The following GAS7 variants were observed in gnomAD, a reference collection of about 807,000 sequenced individuals.
GAS7 encodes the protein growth arrest specific 7, also known as growth arrest-specific protein 7.
In GAS7, 28 loss-of-function variants were observed where a neutral mutation model predicts 71.1. The ratio of observed to expected loss-of-function variants is 0.39; its 90% CI spans 0.29 to 0.54. GAS7 has a LOEUF of 0.54. Among genes scored for constraint, GAS7 ranks in the 20% least tolerant of loss-of-function variants. The probability of loss-of-function intolerance (pLI) is 0.62; values close to 1 mark genes in which losing one functional copy is unlikely to be tolerated. For missense variants in GAS7, 436 were observed against 627.8 expected, an observed-to-expected ratio of 0.69 and a Z score of 3.27; for synonymous variants, 258 against 245.8, an observed-to-expected ratio of 1.05 and a Z score of -0.46.
At position 10,053,952 on chromosome 17, in the gene GAS7, T is replaced by TGGATC. The variant is rs2073099379; in HGVS notation, c.184-34060_184-34056dup. The stretch of plus-strand genomic sequence containing the variant: ...CTGCCGGGCCCACCCTCCAAGCTTC[T>TGGATC]GGATCCGTAGGTTTGGGTACCATCC... On this transcript the variant is annotated intron_variant, in intron 1 of 13. Transcript: ENST00000432992. 2.6e-5 allele frequency among the ~76,000 whole-genome samples: 4 copies of TGGATC among 152,178 alleles called. No individual in the cohort carries two copies. The South Asian group carries it at 8.3e-4, about 32-fold the overall frequency.
intron 1 of GAS7, among the ~76,000 whole-genome samples, chr17:10,069,162 G>A (rs1037314334): frequency 1.3e-5 from 2 of 152,172 alleles, no homozygotes; most frequent in Admixed American, 1.3e-4. Context: ...CAAGTTCCCA[G>A]ACACCAGCCA....
At chr17:10,036,550 C>T in intron 1 of GAS7, 2 of 1,577,162 alleles carry the variant, frequency 1.3e-6, no homozygotes, top group Non-Finnish European at 1.7e-6. Flanking sequence ...TCATGGCAGC[C>T]TCTCCGGGAA....
At chr17:10,084,547 A>G (rs1158157092) in intron 1 of GAS7, among the ~76,000 whole-genome samples, 1 of 151,968 alleles carries the variant, frequency 6.6e-6, no homozygotes, top group Admixed American at 6.6e-5. Flanking sequence ...GCTCACTGCA[A>G]CCTCTGCTTC....
At chr17:9,979,348 C>A (rs1343911518) in intron 3 of GAS7, among the ~76,000 whole-genome samples, 1 of 152,148 alleles carries the variant, frequency 6.6e-6, no homozygotes, top group South Asian at 2.1e-4. Flanking sequence ...CTTGGCCATG[C>A]GGGCAATTCT....
intron 1 of GAS7, among the ~76,000 whole-genome samples, chr17:10,163,083 C>T (rs1189427108): frequency 6.6e-6 from 1 of 152,118 alleles, no homozygotes; most frequent in Non-Finnish European, 1.5e-5. Context: ...CACGATGGCT[C>T]AGAAACCCTG....
At chr17:10,118,072 T>G (rs2073875630) in intron 1 of GAS7, among the ~76,000 whole-genome samples, 1 of 152,104 alleles carries the variant, frequency 6.6e-6, no homozygotes, top group African/African-American at 2.4e-5. Flanking sequence ...GTCTGCACTT[T>G]TCCCCGAGGG....
chr17:10,181,559 C>G (rs1026504417), intron 1 of GAS7, among the ~76,000 whole-genome samples: 1 of 152,056 alleles, frequency 6.6e-6, no homozygotes, highest in African/African-American at 2.4e-5. Flanking sequence ...CTGATAACAT[C>G]ATGCACGTGA....
chr17:10,089,931 G>A (rs55697726), intron 1 of GAS7, among the ~76,000 whole-genome samples: 1 of 152,286 alleles, frequency 6.6e-6, no homozygotes, highest in Non-Finnish European at 1.5e-5. Context: ...ACTTTGGGAG[G>A]CCAAGGCAGG....
chr17:9,931,330 C>T (rs754937600), intron 9 of GAS7, among the ~76,000 whole-genome samples: 2 of 152,196 alleles, frequency 1.3e-5, no homozygotes, highest in African/African-American at 4.8e-5. Context: ...ACTACCACGT[C>T]GGAGAGAGTT....
At chr17:10,032,623 A>T (rs1359608808) in intron 1 of GAS7, among the ~76,000 whole-genome samples, 1 of 152,204 alleles carries the variant, frequency 6.6e-6, no homozygotes, top group Non-Finnish European at 1.5e-5. Flanking sequence ...TAAAACCACA[A>T]GGAAAATATC....
chr17:9,919,829 G>A lies in GAS7; in HGVS notation c.1139-124C>T, dbSNP rs557676602. 22 of 771,450 alleles carry A rather than the reference G, an allele frequency of 2.9e-5. No individual in the cohort carries two copies. The East Asian group carries it at 5.1e-4, about 18-fold the overall frequency. The allele number at this position is 771,450 out of a possible 1,614,324, so 47.8% of individuals were successfully genotyped here. On this transcript the variant is annotated intron_variant, in intron 11 of 13. Transcript: ENST00000432992. This position sits in a 1 kb window ranked among gnomAD's most constrained non-coding sequence, Gnocchi z 5.0. ...GGGTCATGGTGGCCGCTGGAAAGCT[G>A]GAAAAGGGATGGCAGTAGGAAGAAG...
At chr17:10,174,431 A>G (rs55658965) in intron 1 of GAS7, among the ~76,000 whole-genome samples, 30,355 of 151,944 alleles carry the variant, frequency 0.2, 3,056 homozygotes, top group Middle Eastern at 0.26. Context: ...GGTGGCTCAC[A>G]TCTATAATCC....
chr17:10,117,629 A>G (rs909915852), intron 1 of GAS7, among the ~76,000 whole-genome samples: 43 of 152,244 alleles, frequency 2.8e-4, no homozygotes, highest in African/African-American at 1.0e-3. Flanking sequence ...CAGCCACTGT[A>G]GGGCTTCCGC....
chr17:9,971,736 A>G (rs2069971906), intron 3 of GAS7, among the ~76,000 whole-genome samples: 1 of 134,484 alleles, frequency 7.4e-6, no homozygotes, highest in South Asian at 2.4e-4. Context: ...TGCAGGTCAG[A>G]CTGGAGGAAG....
At chr17:10,083,248 C>G (rs937534940) in intron 1 of GAS7, among the ~76,000 whole-genome samples, 1 of 152,180 alleles carries the variant, frequency 6.6e-6, no homozygotes, top group Non-Finnish European at 1.5e-5. Context: ...AGACTTTAGG[C>G]CAGGTGTGAT....
chr17:10,134,402 G>A (rs911216242), intron 1 of GAS7, among the ~76,000 whole-genome samples: 5 of 152,276 alleles, frequency 3.3e-5, no homozygotes, highest in Non-Finnish European at 1.5e-5. Context: ...GAGGGCAGAC[G>A]CCTCTTCCAT....
chr17:10,066,704 T>C (rs1414283734), intron 1 of GAS7, among the ~76,000 whole-genome samples: 3 of 152,162 alleles, frequency 2.0e-5, no homozygotes, highest in Non-Finnish European at 1.5e-5. Flanking sequence ...AAAAAACATA[T>C]AAGTAGTTTG....
chr17:10,183,223 GC>G (rs1303960093), intron 1 of GAS7, among the ~76,000 whole-genome samples: 2 of 151,880 alleles, frequency 1.3e-5, no homozygotes, highest in African/African-American at 2.4e-5. Flanking sequence ...AGAATCTCAG[GC>G]CCCACCCCAG....
chr17:10,084,697 C>A (rs887968002), intron 1 of GAS7, among the ~76,000 whole-genome samples: 2 of 152,206 alleles, frequency 1.3e-5, no homozygotes, highest in African/African-American at 4.8e-5. Flanking sequence ...GAACTCCTGA[C>A]CTCAGGTGAT....
Sources: gnomAD v4.1 joint callset for allele counts (sites outside exome capture counted in the v4.1 genomes callset) on GRCh38, gnomAD v4.1.1 for gene constraint, Gnocchi (gnomAD v3.1) non-coding constraint, MANE v1.5 for transcripts, NCBI Gene and HGNC (gene_info 2026-07-23, HGNC 2026-07-21) for gene names.